Variants in MARCHF1 observed in about 807,000 individuals in gnomAD.
The protein encoded by MARCHF1 is E3 ubiquitin-protein ligase MARCHF1.
MARCHF1 carries 40 observed loss-of-function variants against 54.2 expected under a neutral mutation model. The observed-to-expected ratio is 0.74, with a 90% CI of 0.57 to 0.96. MARCHF1 has a LOEUF of 0.96. Among genes scored for constraint, MARCHF1 ranks in the 40% least tolerant of loss-of-function variants. MARCHF1 has a pLI of 0.00. For missense variants in MARCHF1, 586 were observed against 656.5 expected, an observed-to-expected ratio of 0.89 and a Z score of 1.17; for synonymous variants, 236 against 236.3, an observed-to-expected ratio of 1.00 and a Z score of 0.01.
chr4:163,715,960 A>G (rs531790175), intron 4 of MARCHF1, among the ~76,000 whole-genome samples: 8 of 152,298 alleles, frequency 5.3e-5, no homozygotes, highest in Non-Finnish European at 1.2e-4. Flanking sequence ...TTTGACAAAC[A>G]TAAAAAACGT....
At chr4:164,030,333 A>T (rs1753851752) in intron 2 of MARCHF1, among the ~76,000 whole-genome samples, 1 of 152,184 alleles carries the variant, frequency 6.6e-6, no homozygotes, top group African/African-American at 2.4e-5. Flanking sequence ...ATTGTCTTTT[A>T]ACATTCAAAA....
chr4:164,155,228 G>T (rs1415132848), intron 1 of MARCHF1, among the ~76,000 whole-genome samples: 1 of 151,988 alleles, frequency 6.6e-6, no homozygotes, highest in Non-Finnish European at 1.5e-5. Flanking sequence ...TAAGGGTGGG[G>T]CCTTTGCCAG....
chr4:163,967,494 A>G (rs1752465584), intron 3 of MARCHF1, among the ~76,000 whole-genome samples: 1 of 152,154 alleles, frequency 6.6e-6, no homozygotes, highest in Non-Finnish European at 1.5e-5. Context: ...CAGTTTTTAA[A>G]TCCACAGCTG....
chr4:163,822,233 T>A (rs547999861), intron 4 of MARCHF1, among the ~76,000 whole-genome samples: 1 of 151,890 alleles, frequency 6.6e-6, no homozygotes, highest in African/African-American at 2.4e-5. Flanking sequence ...GCACATTGGA[T>A]CACATAATTC....
intron 3 of MARCHF1, among the ~76,000 whole-genome samples, chr4:163,925,091 GATAAACTTCTT>G (rs1455037293): frequency 6.6e-6 from 1 of 151,784 alleles, no homozygotes; most frequent in African/African-American, 2.4e-5. Context: ...TGTAACCACT[GATAAACTTCTT>G]ATAGACCTTG....
intron 1 of MARCHF1, among the ~76,000 whole-genome samples, chr4:164,365,774 A>G (rs1158602046): frequency 6.6e-6 from 1 of 152,086 alleles, no homozygotes; most frequent in Non-Finnish European, 1.5e-5. Context: ...GCATCAAATC[A>G]TCACATTTTG....
intron 3 of MARCHF1, among the ~76,000 whole-genome samples, chr4:163,981,220 C>A (rs944086265): frequency 6.6e-6 from 1 of 152,036 alleles, no homozygotes; most frequent in African/African-American, 2.4e-5. Context: ...AAGAATGCAG[C>A]ATGTTGCTTT....
At chr4:164,340,267 C>T (rs1432631609) in intron 1 of MARCHF1, among the ~76,000 whole-genome samples, 1 of 148,658 alleles carries the variant, frequency 6.7e-6, no homozygotes, top group African/African-American at 2.5e-5. Context: ...GACAGGGTCT[C>T]GTTCTGTCAC....
intron 1 of MARCHF1, among the ~76,000 whole-genome samples, chr4:164,373,541 G>T (rs1731099796): frequency 6.6e-6 from 1 of 151,766 alleles, no homozygotes; most frequent in Admixed American, 6.6e-5. Context: ...TTTTAGTAGA[G>T]ATGGGGTTTC....
At chr4:164,021,885 G>A (rs920256049) in intron 2 of MARCHF1, among the ~76,000 whole-genome samples, 5 of 143,946 alleles carry the variant, frequency 3.5e-5, no homozygotes, top group African/African-American at 1.0e-4. Context: ...ATATATATAT[G>A]GTCCATTTTT....
intron 1 of MARCHF1, among the ~76,000 whole-genome samples, chr4:164,346,614 A>G (rs533585236): frequency 2.7e-3 from 8 of 3,004 alleles, no homozygotes; most frequent in African/African-American, 7.8e-3. Flanking sequence ...GTATATATAT[A>G]TATATATATA....
At chr4:163,978,891 T>C (rs549127603) in intron 3 of MARCHF1, among the ~76,000 whole-genome samples, 36 of 152,108 alleles carry the variant, frequency 2.4e-4, no homozygotes, top group African/African-American at 8.7e-4. Flanking sequence ...ATGGATAATT[T>C]TTGTTTTGAA....
intron 4 of MARCHF1, among the ~76,000 whole-genome samples, chr4:163,703,122 T>G (rs904128057): frequency 1.3e-5 from 2 of 152,128 alleles, no homozygotes; most frequent in Non-Finnish European, 2.9e-5. Flanking sequence ...ATGAAAACAT[T>G]TTATAAATTG....
chr4:163,814,588 A>C (rs975152401), intron 4 of MARCHF1, among the ~76,000 whole-genome samples: 6 of 152,172 alleles, frequency 3.9e-5, no homozygotes, highest in African/African-American at 1.4e-4. Context: ...CATCTCAAAA[A>C]ATAAAAAAAT....
chr4:163,589,270 T>C (rs1209241728), intron 7 of MARCHF1, among the ~76,000 whole-genome samples: 1 of 152,146 alleles, frequency 6.6e-6, no homozygotes, highest in African/African-American at 2.4e-5. Context: ...ACCAGTTTAC[T>C]ATCGTCCAGC....
intron 2 of MARCHF1, among the ~76,000 whole-genome samples, chr4:164,013,584 G>A (rs1753472443): frequency 6.6e-6 from 1 of 151,990 alleles, no homozygotes; most frequent in African/African-American, 2.4e-5. Context: ...CTACCTCAAG[G>A]CATGTAATAA....
In MARCHF1 at chr4:163,699,901, C is replaced by T. The variant is rs78779738; in HGVS notation, c.162+912G>A. On this transcript the variant is annotated intron_variant, in intron 5 of 9. Coordinates refer to ENST00000514618, the MANE Select transcript of MARCHF1 (RefSeq NM_001394959.1). ...TAAAATCTAGAGTATGTCTCTCAAA[C>T]GATAATCTTTTCAACACTCTGGGGT... is the stretch of plus-strand genomic sequence containing the variant. Among the ~76,000 whole-genome samples, 1,134 of 151,454 alleles carry T rather than the reference C, an allele frequency of 7.5e-3. 9 individuals carry two copies. The highest frequency in any genetic ancestry group is 0.026 in the South Asian group (126 of 4,790).
intron 3 of MARCHF1, among the ~76,000 whole-genome samples, chr4:163,937,961 T>C (rs1370179228): frequency 6.6e-6 from 1 of 152,114 alleles, no homozygotes; most frequent in Non-Finnish European, 1.5e-5. Context: ...CTAGGGCACA[T>C]AACAGAACAT....
chr4:163,587,737 A>C (rs1486756562), intron 7 of MARCHF1, among the ~76,000 whole-genome samples: 1 of 152,140 alleles, frequency 6.6e-6, no homozygotes, highest in African/African-American at 2.4e-5. Flanking sequence ...CCATGTAACA[A>C]ACCTTCACAG....
Sources: allele counts gnomAD v4.1 joint callset (sites outside exome capture counted in the v4.1 genomes callset), GRCh38; gene constraint gnomAD v4.1.1; transcripts MANE v1.5; gene names NCBI Gene and HGNC (gene_info 2026-07-23, HGNC 2026-07-21).